CDK14: variants seen among roughly 807,000 people sequenced by gnomAD.
CDK14 encodes cyclin-dependent kinase 14.
Under a neutral mutation model 60.7 loss-of-function variants are expected in CDK14, and 34 were observed. The observed-to-expected ratio is 0.56, with a 90% CI of 0.43 to 0.75. The LOEUF is 0.75. CDK14 is among the 30% of genes least tolerant of loss of function. CDK14 has a pLI of 0.00. For synonymous variants in CDK14, 197 were observed against 203.7 expected, an observed-to-expected ratio of 0.97 and a Z score of 0.28; for missense variants, 482 against 564.1, an observed-to-expected ratio of 0.85 and a Z score of 1.47.
chr7:91,074,120 A>G (rs1266010018), intron 11 of CDK14, among the ~76,000 whole-genome samples: 1 of 152,212 alleles, frequency 6.6e-6, no homozygotes, highest in African/African-American at 2.4e-5. Flanking sequence ...GATATTCAGA[A>G]CTTGAACTCA....
intron 10 of CDK14, 66 bp from the exon 11 acceptor site, chr7:91,045,831 C>T: frequency 9.9e-7 from 1 of 1,010,706 alleles, no homozygotes; most frequent in Admixed American, 1.8e-5. Flanking sequence ...TATTTTTCTA[C>T]ACTTGAGAAT....
intron 2 of CDK14, among the ~76,000 whole-genome samples, chr7:90,619,839 A>G (rs1278371806): frequency 6.6e-6 from 1 of 152,202 alleles, no homozygotes; most frequent in Non-Finnish European, 1.5e-5. Flanking sequence ...CTACTAAAAA[A>G]TACAAAAGTT....
chr7:90,704,539 T>G (rs1391258430), intron 2 of CDK14, among the ~76,000 whole-genome samples: 2 of 152,316 alleles, frequency 1.3e-5, no homozygotes, highest in Non-Finnish European at 2.9e-5. Flanking sequence ...ATTTTCCACA[T>G]AAGTCCTTTG....
chr7:90,606,031 C>A (rs117325376), intron 2 of CDK14, among the ~76,000 whole-genome samples: 2,355 of 152,248 alleles, frequency 0.015, 24 homozygotes, highest in Middle Eastern at 0.027. Context: ...TCAAAATCAT[C>A]CTTAGCTTTT....
intron 14 of CDK14, among the ~76,000 whole-genome samples, chr7:91,200,902 A>G (rs1328968511): frequency 6.6e-6 from 1 of 152,252 alleles, no homozygotes; most frequent in Non-Finnish European, 1.5e-5. Context: ...GCACAAAATC[A>G]GTAAGTCCAG....
intron 2 of CDK14, among the ~76,000 whole-genome samples, chr7:90,681,967 A>G (rs1296503545): frequency 6.6e-6 from 1 of 152,192 alleles, no homozygotes; most frequent in Admixed American, 6.5e-5. Context: ...TTTATAATTT[A>G]TTTTTATGAT....
intron 5 of CDK14, among the ~76,000 whole-genome samples, chr7:90,828,354 A>G (rs2117100735): frequency 6.6e-6 from 1 of 152,326 alleles, no homozygotes; most frequent in South Asian, 2.1e-4. Flanking sequence ...TTGTATAGTC[A>G]GTATCACAAT....
At chr7:91,054,555 T>C (rs967421181) in intron 11 of CDK14, among the ~76,000 whole-genome samples, 1 of 152,250 alleles carries the variant, frequency 6.6e-6, no homozygotes, top group African/African-American at 2.4e-5. Context: ...GACTGCACTT[T>C]CTGGTTGAGC....
At chr7:90,696,168 T>A (rs1041479259) in intron 2 of CDK14, among the ~76,000 whole-genome samples, 1 of 151,754 alleles carries the variant, frequency 6.6e-6, no homozygotes, top group African/African-American at 2.4e-5. Context: ...CTTGTTGGAG[T>A]GGATATAGGG....
intron 2 of CDK14, among the ~76,000 whole-genome samples, chr7:90,613,529 A>G (rs900626136): frequency 1.3e-5 from 2 of 151,842 alleles, no homozygotes; most frequent in Admixed American, 1.3e-4. Flanking sequence ...TCTACTAAAA[A>G]TACAAAAATT....
intron 14 of CDK14, among the ~76,000 whole-genome samples, chr7:91,141,444 T>A (rs1300101087): frequency 6.6e-6 from 1 of 152,140 alleles, no homozygotes; most frequent in Non-Finnish European, 1.5e-5. Context: ...TAGGTTGATA[T>A]AGCAACAGAG....
chr7:90,908,792 TG>T (rs1271612746), intron 7 of CDK14, among the ~76,000 whole-genome samples: 1 of 152,202 alleles, frequency 6.6e-6, no homozygotes, highest in Non-Finnish European at 1.5e-5. Flanking sequence ...GAAAGAGGTT[TG>T]TTGATCATAC....
chr7:91,091,162 A>G lies in CDK14; in HGVS notation c.1154+11682A>G, dbSNP rs1039652376. Reference sequence around the variant, plus strand: ...TGTAATCCCAGCACTTTGAGAGGCCAAGGTGGACAGATCACTTGAGTCCAG... The same window carrying G: ...TGTAATCCCAGCACTTTGAGAGGCCGAGGTGGACAGATCACTTGAGTCCAG... On this transcript the variant is annotated intron_variant, in intron 12 of 14. Transcript: ENST00000380050. Among the ~76,000 whole-genome samples, 3 of 151,368 alleles carry G rather than the reference A, an allele frequency of 2.0e-5. No homozygotes were observed. In the East Asian group the frequency reaches 5.8e-4, roughly 29 times the overall value.
At chr7:90,854,311 C>T (rs769606876) in intron 5 of CDK14, among the ~76,000 whole-genome samples, 13 of 152,054 alleles carry the variant, frequency 8.5e-5, no homozygotes, top group Non-Finnish European at 1.6e-4. Context: ...TGCGGGAATT[C>T]GAGACCAGCC....
intron 10 of CDK14, among the ~76,000 whole-genome samples, chr7:90,998,670 C>T (rs113027283): frequency 5.1e-4 from 78 of 152,194 alleles, no homozygotes; most frequent in South Asian, 1.7e-3. Context: ...GGGCGGATCA[C>T]GAAGTCAGGA....
At chr7:90,618,953 G>A (rs1799709655) in intron 2 of CDK14, among the ~76,000 whole-genome samples, 1 of 152,136 alleles carries the variant, frequency 6.6e-6, no homozygotes, top group South Asian at 2.1e-4. Flanking sequence ...AAAATCTCAA[G>A]AGAGCAGAAT....
At chr7:91,198,745 C>A (rs1802627914) in intron 14 of CDK14, among the ~76,000 whole-genome samples, 1 of 152,184 alleles carries the variant, frequency 6.6e-6, no homozygotes, top group African/African-American at 2.4e-5. Flanking sequence ...GTTCACAAAA[C>A]AGGTTCAAAG....
At chr7:90,786,410 AT>A (rs1357391472) in intron 4 of CDK14, among the ~76,000 whole-genome samples, 1 of 152,162 alleles carries the variant, frequency 6.6e-6, no homozygotes, top group African/African-American at 2.4e-5. Context: ...TATTGATTCA[AT>A]TTGAATTTTG....
At chr7:90,723,894 T>C (rs1264488165) in intron 2 of CDK14, among the ~76,000 whole-genome samples, 1 of 152,216 alleles carries the variant, frequency 6.6e-6, no homozygotes, top group East Asian at 1.9e-4. Flanking sequence ...TGATCTGTAG[T>C]TTCCTTACAA....
Sources: gnomAD v4.1 joint callset for allele counts (sites outside exome capture counted in the v4.1 genomes callset) on GRCh38, gnomAD v4.1.1 for gene constraint, MANE v1.5 for transcripts, NCBI Gene and HGNC (gene_info 2026-07-23, HGNC 2026-07-21) for gene names.